Variants in FRMD6 observed in about 807,000 individuals in gnomAD.
FRMD6 encodes FERM domain-containing protein 6.
Under a neutral mutation model 73.2 loss-of-function variants are expected in FRMD6, and 37 were observed. The observed-to-expected ratio is 0.51, with a 90% CI of 0.39 to 0.66. The LOEUF is 0.66. Ranked by LOEUF, FRMD6 falls within the 30% of genes least tolerant of loss-of-function variation. FRMD6 has a pLI of 0.00. For missense variants in FRMD6, 714 were observed against 780.5 expected (o/e 0.91, Z 1.02); for synonymous variants, 273 against 282.2 (o/e 0.97, Z 0.33).
At chr14:51,664,914 G>T (rs936304293) in intron 1 of FRMD6, among the ~76,000 whole-genome samples, 2 of 152,158 alleles carry the variant, frequency 1.3e-5, no homozygotes, top group Non-Finnish European at 2.9e-5. Flanking sequence ...GAATAATTTC[G>T]CAGTGCTGGG....
intron 12 of FRMD6, 39 bp downstream of exon 12, chr14:51,722,119 G>C (rs1897658497): frequency 5.0e-6 from 8 of 1,610,840 alleles, no homozygotes; most frequent in Non-Finnish European, 6.8e-6. Context: ...TTGGTAGCAG[G>C]TTATCCAGGA....
chr14:51,423,801 A>G, the FRMD6 span, among the ~76,000 whole-genome samples: 6 of 151,996 alleles, frequency 3.9e-5, no homozygotes, highest in African/African-American at 1.4e-4. Context: ...TCCTTACTCC[A>G]CACTTCTTAG....
intron 1 of FRMD6, among the ~76,000 whole-genome samples, chr14:51,555,986 C>A (rs1392209250): frequency 2.6e-5 from 4 of 152,132 alleles, no homozygotes; most frequent in African/African-American, 7.2e-5. Context: ...TTATAATCAC[C>A]TTTTGCCTTC....
At chr14:51,667,264 A>G (rs907663098) in intron 1 of FRMD6, among the ~76,000 whole-genome samples, 4 of 152,238 alleles carry the variant, frequency 2.6e-5, no homozygotes, top group African/African-American at 7.2e-5. Flanking sequence ...ATAGGATATA[A>G]AAAATAAACT....
At chr14:51,662,907 C>G (rs1242039344) in intron 1 of FRMD6, among the ~76,000 whole-genome samples, 1 of 151,790 alleles carries the variant, frequency 6.6e-6, no homozygotes, top group Non-Finnish European at 1.5e-5. Flanking sequence ...TAATATGCAG[C>G]ATCTATAAGG....
Position 51,603,790 on chromosome 14 carries a change from T to C in FRMD6, c.-147+33380T>C, listed in dbSNP as rs76827883. On this transcript the variant is annotated intron_variant, in intron 2 of 14. Transcript: ENST00000356218. ...AGGAAAATAACATCCTCTTAGGGCT[T>C]CTTCAAGCATTAAATAAAATCATAC... Among the ~76,000 whole-genome samples, 5 of 152,170 alleles carry C rather than the reference T, an allele frequency of 3.3e-5. No homozygotes were observed. The East Asian group carries it at 9.6e-4, about 29-fold the overall frequency.
At chr14:51,492,855 A>G (rs541066655) in intron 1 of FRMD6, among the ~76,000 whole-genome samples, 74 of 152,332 alleles carry the variant, frequency 4.9e-4, no homozygotes, top group African/African-American at 1.8e-3. Context: ...GGTGTGATGG[A>G]GGCGGCATGT....
rs374771129 is a variant in FRMD6, at chr14:51,728,080, C to A, written c.*51C>A. 1 of 1,529,008 alleles carries A rather than the reference C, an allele frequency of 6.5e-7. No homozygotes were observed. Among genetic ancestry groups the A allele is most frequent in the Non-Finnish European group, 8.9e-7 (1 of 1,125,150 alleles). The allele number at this position is 1,529,008 out of a possible 1,614,324, so 94.7% of individuals were successfully genotyped here. On this transcript the variant is annotated 3_prime_UTR_variant, in exon 14 of 14. Coordinates refer to ENST00000344768, the MANE Select transcript of FRMD6 (RefSeq NM_001267046.2). Reference sequence around the variant, plus strand: ...GCAGCTTACTGTTTGCTAGAGGATGCGAAAGTCATAAGTTCTTTACATATT... The same window carrying A: ...GCAGCTTACTGTTTGCTAGAGGATGAGAAAGTCATAAGTTCTTTACATATT...
At chr14:51,628,760 C>T (rs1891211101) in intron 2 of FRMD6, among the ~76,000 whole-genome samples, 1 of 133,630 alleles carries the variant, frequency 7.5e-6, no homozygotes, top group African/African-American at 2.8e-5. Flanking sequence ...GAGATCATGC[C>T]ACTCCACTCC....
intron 1 of FRMD6, among the ~76,000 whole-genome samples, chr14:51,524,069 T>C (rs975359350): frequency 2.0e-5 from 3 of 152,250 alleles, no homozygotes; most frequent in African/African-American, 7.2e-5. Flanking sequence ...TGATCATTTT[T>C]GTACACACAT....
the FRMD6 span, among the ~76,000 whole-genome samples, chr14:51,435,313 T>C: frequency 7.9e-5 from 12 of 152,006 alleles, no homozygotes; most frequent in Non-Finnish European, 7.4e-5. Context: ...TAGTGGCTCA[T>C]GCCTATAATC....
At chr14:51,495,357 C>T (rs750566745) in intron 1 of FRMD6, among the ~76,000 whole-genome samples, 5 of 152,254 alleles carry the variant, frequency 3.3e-5, no homozygotes, top group South Asian at 4.2e-4. Flanking sequence ...CTTTTCTTTC[C>T]GAGTCCTCAC....
At chr14:51,502,193 TTTAGA>T (rs1883665730) in intron 1 of FRMD6, among the ~76,000 whole-genome samples, 2 of 152,254 alleles carry the variant, frequency 1.3e-5, no homozygotes, top group Admixed American at 1.3e-4. Flanking sequence ...ACAGAAGCTC[TTTAGA>T]TTAATTAGAT....
the FRMD6 span, among the ~76,000 whole-genome samples, chr14:51,431,186 CTG>C: frequency 6.6e-6 from 1 of 152,088 alleles, no homozygotes; most frequent in Non-Finnish European, 1.5e-5. Flanking sequence ...GAGAAGGGGA[CTG>C]TGTTTTTCTT....
At chr14:51,463,710 A>T in the FRMD6 span, among the ~76,000 whole-genome samples, 6 of 152,248 alleles carry the variant, frequency 3.9e-5, no homozygotes, top group African/African-American at 1.4e-4. Context: ...TCTACCAGAC[A>T]CATTGTAGGC....
intron 1 of FRMD6, among the ~76,000 whole-genome samples, chr14:51,673,323 T>A (rs529926425): frequency 6.6e-6 from 1 of 152,168 alleles, no homozygotes; most frequent in East Asian, 1.9e-4. Flanking sequence ...GGAGAACCTC[T>A]CTGAAGATCT....
intron 10 of FRMD6, among the ~76,000 whole-genome samples, chr14:51,716,292 G>T (rs1439802219): frequency 1.3e-5 from 2 of 150,658 alleles, no homozygotes; most frequent in African/African-American, 4.9e-5. Flanking sequence ...ACGTATTTGG[G>T]TTTGTTTTTT....
intron 2 of FRMD6, among the ~76,000 whole-genome samples, chr14:51,614,909 C>A (rs1255485637): frequency 6.6e-6 from 1 of 152,108 alleles, no homozygotes; most frequent in Non-Finnish European, 1.5e-5. Flanking sequence ...CTTATGAATA[C>A]ATGCAGTCTA....
chr14:51,451,806 G>C, the FRMD6 span, among the ~76,000 whole-genome samples: 1 of 152,208 alleles, frequency 6.6e-6, no homozygotes, highest in Non-Finnish European at 1.5e-5. Flanking sequence ...TCTTCCTGAG[G>C]TCTTAACCAG....
Sources: allele counts gnomAD v4.1 joint callset (sites outside exome capture counted in the v4.1 genomes callset), GRCh38; gene constraint gnomAD v4.1.1; transcripts MANE v1.5; gene names NCBI Gene and HGNC (gene_info 2026-07-23, HGNC 2026-07-21).